COL15A1: variants seen among roughly 807,000 people sequenced by gnomAD.
COL15A1 encodes collagen alpha-1(XV) chain.
Under a neutral mutation model 165.9 loss-of-function variants are expected in COL15A1, and 111 were observed. The observed-to-expected ratio is 0.67, with a 90% CI of 0.57 to 0.78. COL15A1 has a LOEUF of 0.78. COL15A1 is among the 30% of genes least tolerant of loss of function. The pLI is 0.00. For missense variants in COL15A1, 1,745 were observed against 1,789.7 expected (o/e 0.98, Z 0.45); for synonymous variants, 659 against 674.8 (o/e 0.98, Z 0.36).
intron 2 of COL15A1, among the ~76,000 whole-genome samples, chr9:98,946,027 T>G (rs1189318329): frequency 6.6e-6 from 1 of 152,230 alleles, no homozygotes; most frequent in Non-Finnish European, 1.5e-5. Flanking sequence ...CATTTGCAAC[T>G]GATGGGTTTT....
chr9:99,030,144 C>A (rs1208544508), intron 16 of COL15A1, among the ~76,000 whole-genome samples: 1 of 152,204 alleles, frequency 6.6e-6, no homozygotes, highest in Non-Finnish European at 1.5e-5. Flanking sequence ...AAATCCAATT[C>A]ACCACAGTAA....
intron 12 of COL15A1, among the ~76,000 whole-genome samples, chr9:99,021,009 C>T (rs73503742): frequency 0.034 from 5,192 of 152,272 alleles, 287 homozygotes; most frequent in African/African-American, 0.12. Flanking sequence ...TCAGTCACTG[C>T]GGGAATAACA....
At chr9:99,050,404 A>G (rs1196325212) in intron 30 of COL15A1, among the ~76,000 whole-genome samples, 1 of 152,216 alleles carries the variant, frequency 6.6e-6, no homozygotes, top group Non-Finnish European at 1.5e-5. Flanking sequence ...GGCTTGTCCA[A>G]GGTCATGGGA....
chr9:98,963,906 G>A (rs923784602), intron 2 of COL15A1, among the ~76,000 whole-genome samples: 18 of 152,186 alleles, frequency 1.2e-4, no homozygotes, highest in African/African-American at 4.1e-4. Context: ...GACGGTGTGT[G>A]CTTGATAGTC....
intron 2 of COL15A1, among the ~76,000 whole-genome samples, chr9:98,948,368 G>T (rs143954864): frequency 7.1e-4 from 108 of 152,246 alleles, no homozygotes; most frequent in Non-Finnish European, 1.4e-3. Context: ...GGAGGCTGGG[G>T]CGGGCAGATC....
intron 5 of COL15A1, 119 bp downstream of exon 5, chr9:98,989,377 C>T (rs937864528): frequency 2.3e-5 from 18 of 785,868 alleles, no homozygotes; most frequent in Middle Eastern, 2.9e-4. Flanking sequence ...TGAGCTTAAT[C>T]GTTGACTCAT....
chr9:99,000,795 C>A, intron 6 of COL15A1, 44 bp from the exon 7 acceptor site: 1 of 920,024 alleles, frequency 1.1e-6, no homozygotes, highest in Non-Finnish European at 1.8e-6. Flanking sequence ...TTTTCCAAGA[C>A]TGCAAAATGT....
At chr9:99,037,855 G>A (rs1156900481) in intron 21 of COL15A1, among the ~76,000 whole-genome samples, 3 of 152,200 alleles carry the variant, frequency 2.0e-5, no homozygotes, top group Admixed American at 2.0e-4. Context: ...CTGAGCCAAA[G>A]CAGAGGGTAG....
At chr9:99,016,326 A>C (rs1433689197) in intron 11 of COL15A1, among the ~76,000 whole-genome samples, 1 of 152,246 alleles carries the variant, frequency 6.6e-6, no homozygotes, top group African/African-American at 2.4e-5. Flanking sequence ...GATTAAAGTC[A>C]AGGGGACCTA....
At chr9:98,985,488 G>C in intron 2 of COL15A1, 77 bp from the exon 3 acceptor site, 2 of 1,378,920 alleles carry the variant, frequency 1.5e-6, no homozygotes, top group Non-Finnish European at 2.0e-6. Flanking sequence ...CGTTTCATTT[G>C]TGACTGCGTT....
intron 5 of COL15A1, among the ~76,000 whole-genome samples, chr9:98,989,983 A>G (rs1838389181): frequency 1.3e-5 from 2 of 152,204 alleles, no homozygotes; most frequent in Non-Finnish European, 2.9e-5. Flanking sequence ...AATACAGCAG[A>G]GCTTCAGCCG....
At chr9:98,959,665 G>C (rs138306176) in intron 2 of COL15A1, among the ~76,000 whole-genome samples, 2 of 151,836 alleles carry the variant, frequency 1.3e-5, no homozygotes, top group Non-Finnish European at 2.9e-5. Context: ...CTATCTTCTT[G>C]CCCTGCCTGG....
Position 99,050,125 on chromosome 9 carries a change from A to G in COL15A1, c.2904+230A>G, listed in dbSNP as rs1266237701. Among the ~76,000 whole-genome samples the G allele has an allele frequency of 3.9e-5, 6 of 152,208 alleles. No individual in the cohort carries two copies. In the East Asian group the frequency reaches 1.2e-3, roughly 29 times the overall value. ...CACACGGTGAGGTGCTTCTTTTCAT[A>G]CAATCTAAAAAGCAGTGTCTTTTGT... On this transcript the variant is annotated intron_variant, in intron 30 of 41. Transcript: ENST00000375001.
chr9:98,960,370 C>A (rs1224329154), intron 2 of COL15A1, among the ~76,000 whole-genome samples: 1 of 152,014 alleles, frequency 6.6e-6, no homozygotes, highest in Non-Finnish European at 1.5e-5. Flanking sequence ...ACTGAACGAA[C>A]CCCAGCCTGG....
intron 14 of COL15A1, among the ~76,000 whole-genome samples, chr9:99,024,277 G>GTTTTTTTTTTTTTTTTTT (rs773196929): frequency 9.2e-6 from 1 of 108,628 alleles, no homozygotes; most frequent in Non-Finnish European, 1.8e-5. Context: ...AGTTTTTTTT[G>GTTTTTTTTTTTTTTTTTT]TTTTTTTGTT....
chr9:98,964,077 C>T (rs748389731), intron 2 of COL15A1, among the ~76,000 whole-genome samples: 2 of 152,246 alleles, frequency 1.3e-5, no homozygotes, highest in Admixed American at 6.5e-5. Flanking sequence ...CCCAAGATCA[C>T]CTGGCTAGTA....
At chr9:98,959,667 C>A (rs946834771) in intron 2 of COL15A1, among the ~76,000 whole-genome samples, 1 of 152,178 alleles carries the variant, frequency 6.6e-6, no homozygotes, top group African/African-American at 2.4e-5. Context: ...ATCTTCTTGC[C>A]CTGCCTGGCT....
At chr9:98,958,940 T>C (rs1837820997) in intron 2 of COL15A1, among the ~76,000 whole-genome samples, 1 of 152,090 alleles carries the variant, frequency 6.6e-6, no homozygotes, top group Non-Finnish European at 1.5e-5. Context: ...ATGCGCCCCA[T>C]TTCTAAGAGT....
intron 30 of COL15A1, among the ~76,000 whole-genome samples, chr9:99,051,959 G>A (rs1417813196): frequency 6.6e-6 from 1 of 152,182 alleles, no homozygotes; most frequent in Non-Finnish European, 1.5e-5. Context: ...ACATGCAATA[G>A]CTAAGCTAAT....
Sources: allele counts gnomAD v4.1 joint callset (sites outside exome capture counted in the v4.1 genomes callset), GRCh38; gene constraint gnomAD v4.1.1; transcripts MANE v1.5; gene names NCBI Gene and HGNC (gene_info 2026-07-23, HGNC 2026-07-21).